The following PEX6 variants were observed in gnomAD, a reference collection of about 807,000 sequenced individuals.
PEX6 encodes the protein peroxisome biogenesis factor 6.
PEX6 carries 55 observed loss-of-function variants against 85.6 expected under a neutral mutation model. The observed-to-expected ratio is 0.64, with a 90% CI of 0.52 to 0.80. The LOEUF is 0.80. Among genes scored for constraint, PEX6 ranks in the 30% least tolerant of loss-of-function variants. PEX6 has a pLI of 0.00. For synonymous variants in PEX6, 519 were observed against 549.1 expected (o/e 0.95, Z 0.77); for missense variants, 1,099 against 1,260.3 (o/e 0.87, Z 1.94).
Position 42,965,150 on chromosome 6 carries a change from A to C in PEX6, c.2591T>G (p.Phe864Cys). 1.9e-6 allele frequency: 3 copies of C among 1,614,184 alleles called. No homozygotes were observed. Among genetic ancestry groups the C allele is most frequent in the Non-Finnish European group, 2.5e-6 (3 of 1,180,008 alleles). ...TGCCCCCACAAACACCAGCTTGTCA[A>C]ATCTTTAGGGAGATAGGCAGGTATA... The part of the protein sequence containing the change: ...LDPALLRPGR[F>C]DKLVFVGANE... The change falls in exon 15 of 17, where the codon TTT becomes TGT. Residue 864 changes from phenylalanine (F) to cysteine (C), a missense_variant and splice_region_variant. By Grantham distance (205) the Phe-to-Cys change is radical. Transcript: ENST00000304611. This position sits in a 1 kb window ranked among gnomAD's most constrained non-coding sequence, Gnocchi z 5.0.
rs1769803541 is a variant in PEX6 at position 42,966,316 on chromosome 6, G to A, written c.2226C>T (p.Leu742=). 11 of 1,613,240 alleles carry A rather than the reference G, an allele frequency of 6.8e-6. No individual in the cohort carries two copies. Among genetic ancestry groups the A allele is most frequent in the Non-Finnish European group, 7.6e-6 (9 of 1,180,008 alleles). ...TCTTGCCGGTGCCAGGGGGCCCATG[G>A]AGCAGAAGGCCTGAGCGTCTCAGGC... ...SLGLRRSGLL[L]HGPPGTGKTL... The change falls in exon 11 of 17, where the codon CTC becomes CTT. Residue 742 remains leucine, a synonymous_variant. Coordinates refer to ENST00000304611, the MANE Select transcript of PEX6 (RefSeq NM_000287.4).
At position 42,978,980 on chromosome 6, in the gene PEX6, C is replaced by T. The variant is rs1233980145; in HGVS notation, c.171G>A (p.Leu57=). 1 of 1,510,460 alleles carries T rather than the reference C, an allele frequency of 6.6e-7. No individual in the cohort carries two copies. The highest frequency in any genetic ancestry group is 8.8e-7 in the Non-Finnish European group (1 of 1,137,018). 93.6% of individuals were successfully genotyped at this position (1,510,460 alleles called of 1,614,324 possible). The change falls in exon 1 of 17, where the codon CTG becomes CTA. Residue 57 remains leucine, a synonymous_variant. Transcript: ENST00000304611. ...CTTCGGTGCCCGCGTCCGGCCCCTCCAGGGCTGCCACCAGCAGCGCCGGCC... is the reference window on the plus strand; with the variant it reads ...CTTCGGTGCCCGCGTCCGGCCCCTCTAGGGCTGCCACCAGCAGCGCCGGCC... ...PAGPALLVAA[L]EGPDAGTEEQ...
chr6:42,967,277 C>G, intron 8 of PEX6, 91 bp downstream of exon 8: 1 of 1,327,926 alleles, frequency 7.5e-7, no homozygotes. Flanking sequence ...GCTGGGTTTT[C>G]TACTCTCACT....
At chr6:42,977,698 G>A (rs1321491574) in intron 1 of PEX6, among the ~76,000 whole-genome samples, 1 of 146,604 alleles carries the variant, frequency 6.8e-6, no homozygotes, top group Non-Finnish European at 1.5e-5. Flanking sequence ...GAACCTGGGA[G>A]GCGGAGGTTG....
At chr6:42,966,962 TTG>T (rs566783154) in intron 8 of PEX6, 104 bp from the exon 9 acceptor site, 1 of 702,560 alleles carries the variant, frequency 1.4e-6, no homozygotes, top group Non-Finnish European at 2.4e-6. Flanking sequence ...TGCCTTAGGT[TTG>T]TTGTTTTTTT....
intron 3 of PEX6, 113 bp from the exon 4 acceptor site, chr6:42,970,100 C>T (rs530862147): frequency 1.7e-5 from 14 of 822,112 alleles, no homozygotes; most frequent in Admixed American, 7.9e-5. Context: ...GAGCGTGTCC[C>T]GAGTCATGGT....
intron 2 of PEX6, 116 bp downstream of exon 2, chr6:42,974,759 C>G: frequency 3.1e-6 from 3 of 963,230 alleles, no homozygotes. Context: ...CAGCACCTAG[C>G]CGCAAATGTG....
rs770827358 is a variant in PEX6 at position 42,967,553 on chromosome 6, G to T, written c.1699C>A (p.Leu567Ile). The T allele has an allele frequency of 7.5e-6, 12 of 1,600,832 alleles. No homozygotes were observed. In the East Asian group the frequency reaches 2.7e-4, roughly 36 times the overall value. ...NEDPLNSCPP[L>I]MVVATTSRAQ... The stretch of plus-strand genomic sequence containing the variant: ...CGGCTTGTGGTGGCCACAACCATGA[G>T]GGGAGGGCAGCTGCAGACAGAGGAG... Residue 567 changes from leucine to isoleucine, a missense_variant, in exon 8 of 17, where the codon CTC becomes ATC. By Grantham distance (5) the Leu-to-Ile change is conservative (BLOSUM62 2). Around this residue, in one of 3 missense-constraint regions of PEX6, gnomAD observed 514 missense variants for 627.0 expected, o/e 0.82. Transcript: ENST00000304611.
In PEX6 at chr6:42,968,431, G is replaced by C. The variant is rs996548732; in HGVS notation, c.1547C>G (p.Ser516Cys). The part of the protein sequence containing the change: ...AVETKLQAIF[S>C]RARRCRPAVL... The stretch of plus-strand genomic sequence containing the variant: ...TGCAGGCCGGCAACGGCGGGCCCGG[G>C]AGAAGATGGCCTGCAGTTTTGTCTC... The change falls in exon 7 of 17, where the codon TCC (serine) becomes TGC (cysteine). Residue 516 changes from serine to cysteine, a missense_variant. By Grantham distance (112) the Ser-to-Cys change is moderately radical. Transcript: ENST00000304611. 6 of 1,611,112 alleles carry C rather than the reference G, an allele frequency of 3.7e-6. No homozygotes were observed. In the African/African-American group the frequency reaches 8.0e-5, roughly 22 times the overall value.
intron 3 of PEX6, 102 bp from the exon 4 acceptor site, chr6:42,970,089 A>G: frequency 1.1e-6 from 1 of 887,776 alleles, no homozygotes; most frequent in East Asian, 2.5e-5. Context: ...AAGCACCACA[A>G]GAGCGTGTCC....
In PEX6 at chr6:42,964,871, G is replaced by C; in HGVS notation, c.2725C>G (p.Leu909Val). The change falls in exon 16 of 17, where the codon CTG (leucine) becomes GTG (valine). Residue 909 changes from leucine to valine, a missense_variant. By Grantham distance (32) the Leu-to-Val change is conservative (BLOSUM62 1). This residue lies in a region of PEX6 where 514 missense variants were observed against 627.0 expected (regional missense o/e 0.82). Transcript: ENST00000304611. The surrounding 1 kb of genome is among the most constrained non-coding windows in gnomAD (Gnocchi z 4.6). Reference sequence around the variant, plus strand: ...AGAGAGTAGAGGTCCGCGCCCGTCAGCTGGGGAGGGCAGCAATCTAGCACG... The same window carrying C: ...AGAGAGTAGAGGTCCGCGCCCGTCACCTGGGGAGGGCAGCAATCTAGCACG... ...VNVLDCCPPQ[L>V]TGADLYSLCS... is the part of the protein sequence containing the mutation. The C allele has an allele frequency of 6.2e-7, 1 of 1,614,184 alleles. No homozygotes were observed. Among genetic ancestry groups the C allele is most frequent in the Non-Finnish European group, 8.5e-7 (1 of 1,180,024 alleles).
chr6:42,978,752 C>CTGGGAGGGTCCGGGA lies in PEX6; in HGVS notation c.398_399insTCCCGGACCCTCCCA (p.Pro136_Arg137insSerGlnProGlyPro). ...GCGTCTCCAGCACCCGCGGTCCGGG[C>CTGGGAGGGTCCGGGA]ACTGGGAGGGTCTCTCCGCGCCTCA... On this transcript the variant is annotated inframe_insertion, in exon 1 of 17. Coordinates refer to ENST00000304611, the MANE Select transcript of PEX6 (RefSeq NM_000287.4). 6.5e-7 allele frequency: 1 copy of CTGGGAGGGTCCGGGA among 1,535,086 alleles called. No individual in the cohort carries two copies. The highest frequency in any genetic ancestry group is 8.7e-7 in the Non-Finnish European group (1 of 1,146,606).
rs1770041541 is a variant in PEX6, at chr6:42,971,014, C to G, written c.1131-1027G>C. Among the ~76,000 whole-genome samples the G allele has an allele frequency of 6.6e-6, 1 of 152,096 alleles. No homozygotes were observed. The highest frequency in any genetic ancestry group is 1.5e-5 in the Non-Finnish European group (1 of 68,020). ...TCATGAACTACTTCCCTCTTTAATC[C>G]TCAGGCAGCAAGGCAATGACAGAGT... On this transcript the variant is annotated intron_variant, in intron 3 of 16. Coordinates refer to ENST00000304611, the MANE Select transcript of PEX6 (RefSeq NM_000287.4). The surrounding 1 kb of genome is among the most constrained non-coding windows in gnomAD (Gnocchi z 4.4).
Position 42,965,276 on chromosome 6 carries a change from T to A in PEX6, c.2564A>T (p.Asp855Val). The change falls in exon 14 of 17, where the codon GAC becomes GTC. Residue 855 changes from aspartate to valine, a missense_variant. Physicochemically the swap from Asp to Val is radical, Grantham distance 152. Around this residue, in one of 3 missense-constraint regions of PEX6, gnomAD observed 514 missense variants for 627.0 expected, o/e 0.82. Transcript: ENST00000304611. The surrounding 1 kb of genome is among the most constrained non-coding windows in gnomAD (Gnocchi z 5.0). ...CCTGCCAGGCCGCAGAAGGGCAGGG[T>A]CCAGGAGATCTGGTCTGTTGGTGGC... ...IGATNRPDLL[D>V]PALLRPGRFD... 3 of 1,613,912 alleles carry A rather than the reference T, an allele frequency of 1.9e-6. No homozygotes were observed. The highest frequency in any genetic ancestry group is 2.5e-6 in the Non-Finnish European group (3 of 1,179,864).
At chr6:42,972,760 ACT>A (rs1770108418) in intron 3 of PEX6, among the ~76,000 whole-genome samples, 1 of 123,920 alleles carries the variant, frequency 8.1e-6, no homozygotes, top group Non-Finnish European at 1.6e-5. Flanking sequence ...ACAAAGCAAG[ACT>A]CTGTCTCAAA....
chr6:42,970,666 T>G (rs1018956067), intron 3 of PEX6, among the ~76,000 whole-genome samples: 4 of 152,204 alleles, frequency 2.6e-5, no homozygotes, highest in Non-Finnish European at 5.9e-5. Flanking sequence ...TGTACAACCT[T>G]ATGAATAAAA....
Position 42,964,593 on chromosome 6 carries a change from G to T in PEX6, c.2807-122C>A. The T allele has an allele frequency of 1.5e-6, 2 of 1,367,260 alleles. No homozygotes were observed. The highest frequency in any genetic ancestry group is 2.1e-6 in the Non-Finnish European group (2 of 972,196). 84.7% of individuals were successfully genotyped at this position (1,367,260 alleles called of 1,614,324 possible). ...ATCTTCCCTCTGGAATCCAGGACTAGGTTTGTCTCCCACTAGTTTTTTTTT... is the reference window on the plus strand; with the variant it reads ...ATCTTCCCTCTGGAATCCAGGACTATGTTTGTCTCCCACTAGTTTTTTTTT... On this transcript the variant is annotated intron_variant, in intron 16 of 16. Coordinates refer to ENST00000304611, the MANE Select transcript of PEX6 (RefSeq NM_000287.4). The surrounding 1 kb of genome is among the most constrained non-coding windows in gnomAD (Gnocchi z 4.6).
chr6:42,966,756 C>T, intron 9 of PEX6, 26 bp downstream of exon 9: 4 of 1,614,008 alleles, frequency 2.5e-6, no homozygotes, highest in Non-Finnish European at 3.4e-6. Context: ...CCTCTTTCCG[C>T]CTTTCCGGTG....
In PEX6 at chr6:42,971,622, G is replaced by C. The variant is rs1422333863; in HGVS notation, c.1131-1635C>G. ...CCAGGGCTCACAGGAACTTCTGCAG[G>C]GCTTCCCTTCTCAAGCCCAGTGCAG... On this transcript the variant is annotated intron_variant, in intron 3 of 16. Transcript: ENST00000304611. The surrounding 1 kb of genome is among the most constrained non-coding windows in gnomAD (Gnocchi z 4.4). 6.6e-6 allele frequency among the ~76,000 whole-genome samples: 1 copy of C among 152,220 alleles called. No individual in the cohort carries two copies. The highest frequency in any genetic ancestry group is 2.4e-5 in the African/African-American group (1 of 41,460).
Sources: allele counts gnomAD v4.1 joint callset (sites outside exome capture counted in the v4.1 genomes callset), GRCh38; gene constraint gnomAD v4.1.1; regional missense constraint gnomAD v4.1.1; non-coding constraint Gnocchi (gnomAD v3.1); transcripts MANE v1.5; gene names NCBI Gene and HGNC (gene_info 2026-07-23, HGNC 2026-07-21).